The following EBF1 variants were observed in gnomAD, a reference collection of about 807,000 sequenced individuals.
The protein encoded by EBF1 is EBF transcription factor 1, also known as transcription factor COE1.
A neutral mutation model predicts 68.4 loss-of-function variants in EBF1; 10 were observed. That is an observed-to-expected ratio of 0.15 (90% CI 0.09 to 0.25). The LOEUF (loss-of-function observed/expected upper bound fraction) is 0.25, where lower values mean the gene tolerates loss of function less well. Among genes scored for constraint, EBF1 ranks in the 10% least tolerant of loss-of-function variants. The probability of loss-of-function intolerance (pLI) is 1.00; values close to 1 mark genes in which losing one functional copy is unlikely to be tolerated. For missense variants in EBF1, 509 were observed against 794.4 expected (o/e 0.64, Z 4.32); for synonymous variants, 298 against 299.8 (o/e 0.99, Z 0.06).
intron 6 of EBF1, chr5:158,941,080 A>G: frequency 2.6e-6 from 1 of 387,974 alleles, no homozygotes; most frequent in South Asian, 1.9e-5. Flanking sequence ...GAAAACAATC[A>G]TCTGTTGCTG....
intron 8 of EBF1, among the ~76,000 whole-genome samples, chr5:158,813,359 C>A (rs1449256406): frequency 6.6e-6 from 1 of 152,184 alleles, no homozygotes; most frequent in African/African-American, 2.4e-5. Context: ...AAGCTCACTG[C>A]AAACTATCAA....
chr5:159,060,008 A>C (rs1775497360), intron 6 of EBF1, among the ~76,000 whole-genome samples: 1 of 152,244 alleles, frequency 6.6e-6, no homozygotes, highest in Admixed American at 6.5e-5. Context: ...GTGACTAGAA[A>C]TATAACAGTC....
chr5:159,001,129 T>C (rs148282676), intron 6 of EBF1, among the ~76,000 whole-genome samples: 52 of 152,294 alleles, frequency 3.4e-4, no homozygotes, highest in African/African-American at 1.1e-3. Context: ...TCAGACAATG[T>C]AAAAATGTAA....
At chr5:158,923,073 C>T (rs1362824372) in intron 6 of EBF1, among the ~76,000 whole-genome samples, 4 of 152,174 alleles carry the variant, frequency 2.6e-5, no homozygotes, top group Admixed American at 6.5e-5. Context: ...CCGTGGAGCC[C>T]GAAGGCCTTG....
intron 6 of EBF1, among the ~76,000 whole-genome samples, chr5:159,037,865 G>A (rs1208010306): frequency 6.6e-6 from 1 of 152,072 alleles, no homozygotes; most frequent in Non-Finnish European, 1.5e-5. Flanking sequence ...TATCAATAAG[G>A]ACCACTGCCA....
intron 6 of EBF1, among the ~76,000 whole-genome samples, chr5:158,885,304 A>T (rs2128098742): frequency 6.6e-6 from 1 of 152,360 alleles, no homozygotes; most frequent in Non-Finnish European, 1.5e-5. Flanking sequence ...GCCACATAAA[A>T]GGAAAGGGGA....
intron 8 of EBF1, among the ~76,000 whole-genome samples, chr5:158,803,449 C>G (rs1030815359): frequency 1.3e-5 from 2 of 150,484 alleles, no homozygotes; most frequent in Non-Finnish European, 3.0e-5. Context: ...CTAGCAGCTA[C>G]TGGACAGGCA....
intron 6 of EBF1, among the ~76,000 whole-genome samples, chr5:158,991,180 G>T (rs560405852): frequency 1.3e-5 from 2 of 152,290 alleles, no homozygotes; most frequent in South Asian, 2.1e-4. Flanking sequence ...ACTAATGAGA[G>T]AATTAAAGAA....
At chr5:158,818,377 G>A (rs568127157) in intron 8 of EBF1, among the ~76,000 whole-genome samples, 19 of 152,350 alleles carry the variant, frequency 1.2e-4, no homozygotes, top group Non-Finnish European at 1.9e-4. Context: ...AGGGGCAACT[G>A]ACAGAAGCAA....
intron 4 of EBF1, among the ~76,000 whole-genome samples, chr5:159,090,311 G>C (rs1312598620): frequency 1.3e-5 from 2 of 148,952 alleles, no homozygotes; most frequent in African/African-American, 5.0e-5. Flanking sequence ...GTAGGTGAAG[G>C]CACACTAGTT....
At position 158,783,582 on chromosome 5, in the gene EBF1, C is replaced by T. The variant is rs572101549; in HGVS notation, c.910-6043G>A. On this transcript the variant is annotated intron_variant, in intron 9 of 15. Transcript: ENST00000313708. ...GGCTGTCAGCATGCCAGGGACCTGC[C>T]GGCAGCAACACTTCTGCTCCCTCTA... Among the ~76,000 whole-genome samples the T allele has an allele frequency of 7.2e-5, 11 of 152,276 alleles. No homozygotes were observed. The South Asian group carries it at 1.9e-3, about 26-fold the overall frequency.
At chr5:158,897,916 C>T (rs1422083858) in intron 6 of EBF1, among the ~76,000 whole-genome samples, 3 of 152,160 alleles carry the variant, frequency 2.0e-5, no homozygotes, top group African/African-American at 4.8e-5. Context: ...CACTGGACTG[C>T]TGTGAGGAGG....
intron 13 of EBF1, among the ~76,000 whole-genome samples, chr5:158,712,727 G>T (rs963042030): frequency 3.9e-5 from 6 of 152,120 alleles, no homozygotes; most frequent in Non-Finnish European, 8.8e-5. Flanking sequence ...GTCATTCATG[G>T]TTTATGGTGA....
At chr5:158,742,812 A>C (rs1255076086) in intron 10 of EBF1, among the ~76,000 whole-genome samples, 1 of 152,216 alleles carries the variant, frequency 6.6e-6, no homozygotes, top group Admixed American at 6.5e-5. Flanking sequence ...AGTAGGACAC[A>C]ACCATTTTAA....
At chr5:158,921,282 T>C (rs1045304033) in intron 6 of EBF1, among the ~76,000 whole-genome samples, 4 of 150,910 alleles carry the variant, frequency 2.7e-5, no homozygotes, top group African/African-American at 9.8e-5. Context: ...CCTAAATAGA[T>C]GAAATCTACA....
At chr5:158,994,195 G>A (rs1188189097) in intron 6 of EBF1, among the ~76,000 whole-genome samples, 2 of 152,146 alleles carry the variant, frequency 1.3e-5, no homozygotes, top group African/African-American at 2.4e-5. Flanking sequence ...AAATAACTGT[G>A]AGATTCCTCT....
At chr5:158,900,897 A>G (rs1242522534) in intron 6 of EBF1, among the ~76,000 whole-genome samples, 3 of 149,942 alleles carry the variant, frequency 2.0e-5, no homozygotes, top group Admixed American at 6.6e-5. Context: ...CCAAAGCCTA[A>G]GAGATCTCTT....
chr5:158,769,557 C>G (rs189957033), intron 10 of EBF1, among the ~76,000 whole-genome samples: 1 of 152,176 alleles, frequency 6.6e-6, no homozygotes, highest in African/African-American at 2.4e-5. Context: ...AGAAATGGCT[C>G]TCATTTTATA....
intron 6 of EBF1, among the ~76,000 whole-genome samples, chr5:158,847,816 AT>A (rs1483054335): frequency 1.3e-5 from 2 of 152,208 alleles, no homozygotes; most frequent in Admixed American, 6.5e-5. Flanking sequence ...AAGGAACCAA[AT>A]TTCTACTGGG....
Sources: allele counts gnomAD v4.1 joint callset (sites outside exome capture counted in the v4.1 genomes callset), GRCh38; gene constraint gnomAD v4.1.1; transcripts MANE v1.5; gene names NCBI Gene and HGNC (gene_info 2026-07-23, HGNC 2026-07-21).